The following GLS variants were observed in gnomAD, a reference collection of about 807,000 sequenced individuals.
GLS encodes glutaminase kidney isoform, mitochondrial.
A neutral mutation model predicts 86.7 loss-of-function variants in GLS; 36 were observed. That is an observed-to-expected ratio of 0.42 (90% confidence interval 0.32 to 0.55). The LOEUF (loss-of-function observed/expected upper bound fraction) is 0.55. Among genes scored for constraint, GLS ranks in the 20% least tolerant of loss-of-function variants. The pLI is 0.17. For synonymous variants in GLS, 317 were observed against 305.9 expected, an observed-to-expected ratio of 1.04 and a Z score of -0.38; for missense variants, 528 against 833.4, an observed-to-expected ratio of 0.63 and a Z score of 4.51.
In GLS at chr2:190,897,818, G is replaced by A. The variant is rs1688797934; in HGVS notation, c.605+2093G>A. On this transcript the variant is annotated intron_variant, in intron 3 of 17. Transcript: ENST00000320717. This position sits in a 1 kb window ranked among gnomAD's most constrained non-coding sequence, Gnocchi z 4.3. ...ATAAAGGTGGGTAGGTTTGGTTGAA[G>A]CAGTGTGTTAATATTTTACCTAAAA... Among the ~76,000 whole-genome samples the A allele has an allele frequency of 6.6e-6, 1 of 152,172 alleles. No individual in the cohort carries two copies. The highest frequency in any genetic ancestry group is 1.5e-5 in the Non-Finnish European group (1 of 68,018).
chr2:190,896,035 A>G (rs534342282), intron 3 of GLS: 9 of 169,004 alleles, frequency 5.3e-5, no homozygotes, highest in South Asian at 1.7e-4. Context: ...TTGATCCCCA[A>G]TTCATCTGCA....
intron 6 of GLS, among the ~76,000 whole-genome samples, 155 bp from the exon 7 acceptor site, chr2:190,910,108 T>G (rs1053177162): frequency 7.2e-5 from 11 of 152,194 alleles, no homozygotes; most frequent in Admixed American, 5.9e-4. Context: ...AATCCTTCTG[T>G]GTATGTGCTT....
chr2:190,881,548 G>A (rs1048890021), intron 1 of GLS, 78 bp downstream of exon 1: 1 of 1,322,062 alleles, frequency 7.6e-7, no homozygotes, highest in African/African-American at 1.5e-5. Flanking sequence ...CCTGCGGTGG[G>A]GCGGGATAGG....
chr2:190,960,777 T>A (rs1690982501), intron 17 of GLS, among the ~76,000 whole-genome samples: 1 of 152,310 alleles, frequency 6.6e-6, no homozygotes. Context: ...TGTTAGCAAT[T>A]TTGTAAGTTT....
Position 190,913,259 on chromosome 2 carries a change from G to C in GLS, c.1038+2938G>C. On this transcript the variant is annotated intron_variant, in intron 7 of 17. Coordinates refer to ENST00000320717, the MANE Select transcript of GLS (RefSeq NM_014905.5). This position sits in a 1 kb window ranked among gnomAD's most constrained non-coding sequence, Gnocchi z 6.1. ...AAATGTTCAAAAGGATTAGCAGATT[G>C]TGGAAAAAAGGAGAATTTGGACAGA... 7.7e-7 allele frequency: 1 copy of C among 1,300,202 alleles called. No homozygotes were observed. Among genetic ancestry groups the C allele is most frequent in the Non-Finnish European group, 1.0e-6 (1 of 987,586 alleles). 80.5% of individuals were successfully genotyped at this position (1,300,202 alleles called of 1,614,324 possible).
intron 9 of GLS, among the ~76,000 whole-genome samples, chr2:190,922,423 A>G (rs1574596624): frequency 1.3e-5 from 2 of 152,078 alleles, no homozygotes; most frequent in South Asian, 4.1e-4. Context: ...CAGCTTAAGT[A>G]TCTTTTCCAG....
intron 14 of GLS, among the ~76,000 whole-genome samples, chr2:190,946,925 T>C (rs950872467): frequency 9.8e-5 from 15 of 152,300 alleles, no homozygotes; most frequent in Admixed American, 2.0e-4. Flanking sequence ...CTAATTCATA[T>C]GCTGTGTGAC....
rs1462091888 is a variant in GLS at position 190,901,307 on chromosome 2, G to T, written c.735+614G>T. Among the ~76,000 whole-genome samples, 4 of 151,936 alleles carry T rather than the reference G, an allele frequency of 2.6e-5. No individual in the cohort carries two copies. In the East Asian group the frequency reaches 7.7e-4, roughly 29 times the overall value. On this transcript the variant is annotated intron_variant, in intron 4 of 17. Coordinates refer to ENST00000320717, the MANE Select transcript of GLS (RefSeq NM_014905.5). ...TATACCGAATTCTTACAATAAAGAG[G>T]ATAAAAAATGGTATTGAGATCATAA...
intron 1 of GLS, among the ~76,000 whole-genome samples, chr2:190,885,404 G>A (rs1688343687): frequency 6.6e-6 from 1 of 152,124 alleles, no homozygotes; most frequent in South Asian, 2.1e-4. Context: ...TGGCTGGGCT[G>A]GTCTTGAACT....
intron 3 of GLS, 87 bp from the exon 4 acceptor site, chr2:190,900,476 TA>T: frequency 1.7e-6 from 1 of 590,746 alleles, no homozygotes; most frequent in East Asian, 3.0e-5. Context: ...ATCTATTATT[TA>T]AATAGTGTCC....
intron 9 of GLS, among the ~76,000 whole-genome samples, chr2:190,922,640 CTA>C (rs1238128408): frequency 6.6e-6 from 1 of 152,056 alleles, no homozygotes; most frequent in African/African-American, 2.4e-5. Flanking sequence ...TGTTGAAGAA[CTA>C]TGTGTCAGTC....
rs770419477 is a variant in GLS at position 190,960,359 on chromosome 2, ATTT to A, written c.1854-2451_1854-2449del. 9.8e-3 allele frequency among the ~76,000 whole-genome samples: 996 copies of A among 101,450 alleles called. 16 individuals are homozygous for A. The highest frequency in any genetic ancestry group is 0.037 in the African/African-American group (938 of 25,288). The allele number at this position is 101,450 out of a possible 152,430, so 66.6% of individuals were successfully genotyped here. On this transcript the variant is annotated intron_variant, in intron 17 of 17. Coordinates refer to ENST00000320717, the MANE Select transcript of GLS (RefSeq NM_014905.5). ...TTGTGTTTCTGTTTATTAAGCTTCAATTTTTTTTTTTTTTTTTTTTTTGAGACT... is the reference window on the plus strand; with the variant it reads ...TTGTGTTTCTGTTTATTAAGCTTCAATTTTTTTTTTTTTTTTTTTGAGACT...
chr2:190,924,587 C>A lies in GLS; in HGVS notation c.1242C>A (p.Tyr414Ter). The change falls in exon 11 of 18, where the codon TAC (tyrosine) becomes TAA (stop). Residue 414 changes from tyrosine to a stop codon, truncating the protein, a stop_gained. Transcript: ENST00000320717. LOFTEE classifies it high-confidence loss of function. The surrounding 1 kb of genome is among the most constrained non-coding windows in gnomAD (Gnocchi z 5.2). ...ACATGGTTGGTATATTAGACTTCTA[C>A]TTCCAGGTAATCTAATTATGTAAAT... ...GTDMVGILDF[Y>*]FQLCSIEVTC... The A allele has an allele frequency of 6.6e-7, 1 of 1,514,086 alleles. No homozygotes were observed. The highest frequency in any genetic ancestry group is 9.2e-7 in the Non-Finnish European group (1 of 1,088,752). 93.8% of individuals were successfully genotyped at this position (1,514,086 alleles called of 1,614,324 possible). A position where few individuals can be genotyped will look rare whatever the true frequency, so the allele number is the denominator to read the frequency against.
chr2:190,902,228 T>C (rs1001677215), intron 5 of GLS, among the ~76,000 whole-genome samples: 2 of 152,208 alleles, frequency 1.3e-5, no homozygotes, highest in Non-Finnish European at 2.9e-5. Flanking sequence ...GAGACATCTA[T>C]TTTATTCACA....
chr2:190,930,683 G>T lies in GLS; in HGVS notation c.1557+115G>T. On this transcript the variant is annotated intron_variant, in intron 13 of 17. Coordinates refer to ENST00000320717, the MANE Select transcript of GLS (RefSeq NM_014905.5). This position sits in a 1 kb window ranked among gnomAD's most constrained non-coding sequence, Gnocchi z 5.0. ...ACTCTTGGCCCTCCGCCTATAGTGT[G>T]CCAGTTACTAGGGAGCCGTGGAAAT... 1.1e-6 allele frequency: 1 copy of T among 897,508 alleles called. No homozygotes were observed. The allele number at this position is 897,508 out of a possible 1,614,324, so 55.6% of individuals were successfully genotyped here.
chr2:190,889,044 T>C (rs945831761), intron 1 of GLS, among the ~76,000 whole-genome samples: 2 of 152,238 alleles, frequency 1.3e-5, no homozygotes, highest in Admixed American at 6.5e-5. Context: ...AAGTTTATGA[T>C]CTCACTTTAG....
chr2:190,927,361 C>CTAA lies in GLS; in HGVS notation c.1306_1308dup (p.Asn436dup). The CTAA allele has an allele frequency of 6.2e-7, 1 of 1,613,774 alleles. No homozygotes were observed. The highest frequency in any genetic ancestry group is 8.5e-7 in the Non-Finnish European group (1 of 1,179,768). On this transcript the variant is annotated inframe_insertion, in exon 12 of 18. Transcript: ENST00000320717. ...GCCAGTGTGATGGCTGCGACACTGG[C>CTAA]TAATGGTGGTTTCTGCCCAATTACT... is the stretch of plus-strand genomic sequence containing the variant.
In GLS at chr2:190,954,681, A is replaced by G. The variant is rs772940817; in HGVS notation, c.1789+21A>G. 4.0e-5 allele frequency: 64 copies of G among 1,606,942 alleles called. No individual in the cohort carries two copies. The highest frequency in any genetic ancestry group is 5.4e-5 in the Non-Finnish European group (63 of 1,173,642). On this transcript the variant is annotated intron_variant, in intron 16 of 17. Coordinates refer to ENST00000320717, the MANE Select transcript of GLS (RefSeq NM_014905.5). This position sits in a 1 kb window ranked among gnomAD's most constrained non-coding sequence, Gnocchi z 4.0. The stretch of plus-strand genomic sequence containing the variant: ...AGAGGGTAATACAGGAACTACTCCT[A>G]TCTATTTTCTTTCCAGATTTAATTT...
chr2:190,938,239 G>A lies in GLS; in HGVS notation c.1650+6602G>A, dbSNP rs1332548469. Among the ~76,000 whole-genome samples, 1 of 151,312 alleles carries A rather than the reference G, an allele frequency of 6.6e-6. No individual in the cohort carries two copies. Among genetic ancestry groups the A allele is most frequent in the Non-Finnish European group, 1.5e-5 (1 of 67,454 alleles). On this transcript the variant is annotated intron_variant, in intron 14 of 17. Transcript: ENST00000320717. This position sits in a 1 kb window ranked among gnomAD's most constrained non-coding sequence, Gnocchi z 4.1. ...AACACTTTCAGGCCTTAAAACCACAGATAATTAAAATTATCTATTTGGAAG... is the reference window on the plus strand; with the variant it reads ...AACACTTTCAGGCCTTAAAACCACAAATAATTAAAATTATCTATTTGGAAG...
Sources: allele counts gnomAD v4.1 joint callset (sites outside exome capture counted in the v4.1 genomes callset), GRCh38; gene constraint gnomAD v4.1.1; non-coding constraint Gnocchi (gnomAD v3.1); transcripts MANE v1.5; gene names NCBI Gene and HGNC (gene_info 2026-07-23, HGNC 2026-07-21).